The following PLEKHO2 variants were observed in gnomAD, a reference collection of about 807,000 sequenced individuals.
PLEKHO2 encodes the protein pleckstrin homology domain-containing family O member 2.
A neutral mutation model predicts 32.7 loss-of-function variants in PLEKHO2; 20 were observed. That is an observed-to-expected ratio of 0.61 (90% confidence interval 0.43 to 0.89). The LOEUF (loss-of-function observed/expected upper bound fraction) is 0.89, where lower values mean the gene tolerates loss of function less well. PLEKHO2 is among the 40% of genes least tolerant of loss of function. The probability of loss-of-function intolerance (pLI) is 0.00; values close to 1 mark genes in which losing one functional copy is unlikely to be tolerated. For missense variants in PLEKHO2, 568 were observed against 621.2 expected, an observed-to-expected ratio of 0.91 and a Z score of 0.91; for synonymous variants, 247 against 246.3, an observed-to-expected ratio of 1.00 and a Z score of -0.03.
chr15:64,853,044 C>G (rs936426279), intron 2 of PLEKHO2, among the ~76,000 whole-genome samples: 1 of 150,384 alleles, frequency 6.6e-6, no homozygotes, highest in African/African-American at 2.4e-5. Context: ...GGGGCTGAGG[C>G]CGGAGAATCG....
Position 64,865,092 on chromosome 15 carries a change from T to G in PLEKHO2, c.677T>G (p.Val226Gly). 6.2e-7 allele frequency: 1 copy of G among 1,614,080 alleles called. No individual in the cohort carries two copies. Among genetic ancestry groups the G allele is most frequent in the Non-Finnish European group, 8.5e-7 (1 of 1,179,984 alleles). ...CCTGGTGACAGGGTGGAGACCCCTG[T>G]GGGGGAGAGAGCCCCAACCCCTGTC... ...TSPGDRVETPVGERAPTPVSA... is the reference protein window; with the variant it reads ...TSPGDRVETPGGERAPTPVSA... Residue 226 changes from valine to glycine, a missense_variant, in exon 6 of 6, where the codon GTG becomes GGG. Transcript: ENST00000323544.
intron 1 of PLEKHO2, among the ~76,000 whole-genome samples, chr15:64,845,608 C>G (rs907655511): frequency 1.2e-4 from 18 of 152,136 alleles, no homozygotes. Flanking sequence ...ATCTGTAGCC[C>G]TTCAGTTGTC....
In PLEKHO2 at chr15:64,865,342, C is replaced by T. The variant is rs1168778020; in HGVS notation, c.927C>T (p.Pro309=). 5.0e-6 allele frequency: 8 copies of T among 1,613,688 alleles called. No homozygotes were observed. The highest frequency in any genetic ancestry group is 6.8e-6 in the Non-Finnish European group (8 of 1,179,832). The change falls in exon 6 of 6, where the codon CCC becomes CCT. Residue 309 remains proline (P), a synonymous_variant. Transcript: ENST00000323544. ...SEAAPREGGK[P]PTPPPKILSE... ...CTGCCCCCAGGGAGGGTGGGAAGCC[C>T]CCTACACCCCCACCCAAGATCTTAT...
intron 1 of PLEKHO2, among the ~76,000 whole-genome samples, chr15:64,846,996 G>T (rs773571784): frequency 1.3e-5 from 2 of 152,256 alleles, no homozygotes; most frequent in Admixed American, 6.5e-5. Flanking sequence ...CCCTCGTGGA[G>T]TTGGATTCCT....
At position 64,865,926 on chromosome 15, in the gene PLEKHO2, C is replaced by T. The variant is rs774452240; in HGVS notation, c.*38C>T. 6.4e-7 allele frequency: 1 copy of T among 1,563,422 alleles called. No homozygotes were observed. Among genetic ancestry groups the T allele is most frequent in the East Asian group, 2.3e-5 (1 of 44,388 alleles). On this transcript the variant is annotated 3_prime_UTR_variant, in exon 6 of 6. Transcript: ENST00000323544. ...CAGAGGCACCATCCCTTCTGGCCATCCATCAAGTCCATCAAGGCCCAGCCC... is the reference window on the plus strand; with the variant it reads ...CAGAGGCACCATCCCTTCTGGCCATTCATCAAGTCCATCAAGGCCCAGCCC...
At chr15:64,845,474 G>GC (rs2084515469) in intron 1 of PLEKHO2, among the ~76,000 whole-genome samples, 1 of 151,906 alleles carries the variant, frequency 6.6e-6, no homozygotes, top group South Asian at 2.1e-4. Context: ...GCATAGCCAG[G>GC]CCCCCCTGGA....
chr15:64,842,434 CTG>C lies in PLEKHO2; in HGVS notation c.12+420_12+421del, dbSNP rs142414772. On this transcript the variant is annotated intron_variant, in intron 1 of 5. Coordinates refer to ENST00000323544, the MANE Select transcript of PLEKHO2 (RefSeq NM_025201.5). ...TGTGTGTGTGTGTGTCGGATCCTGA[CTG>C]TGTGTGTGTGTGTATGTGTGTGTTG... 9.4e-3 allele frequency among the ~76,000 whole-genome samples: 1,306 copies of C among 139,620 alleles called. 19 individuals are homozygous for C. Among genetic ancestry groups the C allele is most frequent in the African/African-American group, 0.035 (1,234 of 35,548 alleles). The allele number at this position is 139,620 out of a possible 152,430, so 91.6% of individuals were successfully genotyped here. A position where few individuals can be genotyped will look rare whatever the true frequency, so the allele number is the denominator to read the frequency against.
intron 5 of PLEKHO2, among the ~76,000 whole-genome samples, chr15:64,863,599 G>C (rs2084659895): frequency 6.6e-6 from 1 of 151,810 alleles, no homozygotes; most frequent in Admixed American, 6.6e-5. Flanking sequence ...CCTGATGTCA[G>C]CCAGGTCCTG....
At chr15:64,842,380 C>CTGTGTGTGTGTG (rs1282999932) in intron 1 of PLEKHO2, among the ~76,000 whole-genome samples, 5 of 33,084 alleles carry the variant, frequency 1.5e-4, no homozygotes, top group African/African-American at 3.1e-4. Context: ...TCCTGACTCT[C>CTGTGTGTGTGTG]TCTCTCTCTC....
chr15:64,851,371 C>T (rs2084567387), intron 2 of PLEKHO2, among the ~76,000 whole-genome samples: 2 of 152,186 alleles, frequency 1.3e-5, no homozygotes, highest in African/African-American at 4.8e-5. Context: ...TAAACTGCCT[C>T]TCTGCATCTG....
chr15:64,864,130 C>T (rs1002123474), intron 5 of PLEKHO2, among the ~76,000 whole-genome samples: 6 of 152,168 alleles, frequency 3.9e-5, no homozygotes, highest in African/African-American at 1.4e-4. Flanking sequence ...TTGGGAAAGG[C>T]CTCCTGCCCA....
At chr15:64,860,035 C>A in intron 4 of PLEKHO2, 37 bp downstream of exon 4, 1 of 1,577,532 alleles carries the variant, frequency 6.3e-7, no homozygotes, top group Non-Finnish European at 8.7e-7. Context: ...AGCTCTGTGT[C>A]TCCTTTCCCA....
In PLEKHO2 at chr15:64,867,496, A is replaced by G. The variant is rs1361451027; in HGVS notation, c.*1608A>G. On this transcript the variant is annotated 3_prime_UTR_variant, in exon 6 of 6. Coordinates refer to ENST00000323544, the MANE Select transcript of PLEKHO2 (RefSeq NM_025201.5). The stretch of plus-strand genomic sequence containing the variant: ...GTCTGGCTTTCCCTCCATCTGCCCC[A>G]GGACAAGAGCAAGAAGGACATCAGT... The G allele has an allele frequency of 6.6e-6, 1 of 152,236 alleles. No homozygotes were observed. Among genetic ancestry groups the G allele is most frequent in the African/African-American group, 2.4e-5 (1 of 41,446 alleles). The allele number at this position is 152,236 out of a possible 1,614,324, so 9.4% of individuals were successfully genotyped here.
At chr15:64,860,085 C>G (rs749412598) in intron 4 of PLEKHO2, 87 bp downstream of exon 4, 270 of 1,126,934 alleles carry the variant, frequency 2.4e-4, no homozygotes, top group Non-Finnish European at 3.5e-4. Flanking sequence ...CCTCCTTACC[C>G]CAGACTACCC....
intron 4 of PLEKHO2, among the ~76,000 whole-genome samples, chr15:64,860,304 G>A (rs1403810717): frequency 2.0e-5 from 3 of 152,260 alleles, no homozygotes; most frequent in Admixed American, 2.0e-4. Context: ...GGCCTCAGCT[G>A]GAAGCAGCAG....
intron 1 of PLEKHO2, among the ~76,000 whole-genome samples, chr15:64,843,839 G>A (rs1020885923): frequency 2.0e-5 from 3 of 152,002 alleles, no homozygotes; most frequent in Non-Finnish European, 2.9e-5. Context: ...CTCGGCCTCC[G>A]AAAGTGTTGG....
At position 64,865,339 on chromosome 15, in the gene PLEKHO2, G is replaced by GCCCCCTACA; in HGVS notation, c.930_938dup (p.Thr311_Pro313dup). On this transcript the variant is annotated inframe_insertion, in exon 6 of 6. Transcript: ENST00000323544. ...AGGCTGCCCCCAGGGAGGGTGGGAA[G>GCCCCCTACA]CCCCCTACACCCCCACCCAAGATCT... 1.9e-6 allele frequency: 3 copies of GCCCCCTACA among 1,613,878 alleles called. No individual in the cohort carries two copies. Among genetic ancestry groups the GCCCCCTACA allele is most frequent in the Non-Finnish European group, 2.5e-6 (3 of 1,179,854 alleles).
At position 64,865,853 on chromosome 15, in the gene PLEKHO2, G is replaced by C. The variant is rs753465500; in HGVS notation, c.1438G>C (p.Glu480Gln). Residue 480 changes from glutamate (E) to glutamine (Q), a missense_variant, in exon 6 of 6, where the codon GAG (glutamate) becomes CAG (glutamine). Coordinates refer to ENST00000323544, the MANE Select transcript of PLEKHO2 (RefSeq NM_025201.5). ...EAPGLREKRK[E>Q]LVTLYRRSAP The stretch of plus-strand genomic sequence containing the variant: ...ACCTGGGCTAAGGGAGAAGCGGAAG[G>C]AGCTGGTGACCCTCTACAGGAGAAG... 11 of 1,610,138 alleles carry C rather than the reference G, an allele frequency of 6.8e-6. No homozygotes were observed. In the Admixed American group the frequency reaches 1.8e-4, roughly 27 times the overall value.
chr15:64,863,019 ACCT>A (rs1260207618), intron 5 of PLEKHO2, among the ~76,000 whole-genome samples: 2 of 146,926 alleles, frequency 1.4e-5, no homozygotes, highest in African/African-American at 5.1e-5. Flanking sequence ...GCTCACTGCA[ACCT>A]CCGCCTTCCG....
Sources: allele counts gnomAD v4.1 joint callset (sites outside exome capture counted in the v4.1 genomes callset), GRCh38; gene constraint gnomAD v4.1.1; transcripts MANE v1.5; gene names NCBI Gene and HGNC (gene_info 2026-07-23, HGNC 2026-07-21).